EPHB3: variants seen among roughly 807,000 people sequenced by gnomAD.
EPHB3 encodes the protein EPH receptor B3.
In EPHB3, 33 loss-of-function variants were observed where a neutral mutation model predicts 100.2. The ratio of observed to expected loss-of-function variants is 0.33; its 90% CI spans 0.25 to 0.44. The LOEUF (loss-of-function observed/expected upper bound fraction) is 0.44. Among genes scored for constraint, EPHB3 ranks in the 20% least tolerant of loss-of-function variants. The pLI, the probability that EPHB3 is intolerant of heterozygous loss-of-function variation, is 1.00. For synonymous variants in EPHB3, 526 were observed against 554.7 expected, an observed-to-expected ratio of 0.95 and a Z score of 0.73; for missense variants, 1,045 against 1,378.3, an observed-to-expected ratio of 0.76 and a Z score of 3.83.
At chr3:184,570,664 A>G (rs928301660) in intron 1 of EPHB3, among the ~76,000 whole-genome samples, 2 of 152,244 alleles carry the variant, frequency 1.3e-5, no homozygotes, top group Non-Finnish European at 2.9e-5. Flanking sequence ...GGCCAGGGCC[A>G]GGGTCTGGAG....
Position 184,572,911 on chromosome 3 carries a change from C to A in EPHB3, c.591C>A (p.Gly197=). The A allele has an allele frequency of 1.3e-6, 2 of 1,564,270 alleles. No individual in the cohort carries two copies. The highest frequency in any genetic ancestry group is 4.5e-5 in the East Asian group (2 of 44,406). ...TCTACCTGGCCTTCCAGGACCAGGGCGCCTGCATGTCGCTCATCTCCGTGC... is the reference window on the plus strand; with the variant it reads ...TCTACCTGGCCTTCCAGGACCAGGGAGCCTGCATGTCGCTCATCTCCGTGC... ...AGFYLAFQDQ[G]ACMSLISVRA... is the part of the protein sequence containing the mutation. Residue 197 remains glycine, a synonymous_variant, in exon 3 of 16, where the codon GGC becomes GGA. Coordinates refer to ENST00000330394, the MANE Select transcript of EPHB3 (RefSeq NM_004443.4). The surrounding 1 kb of genome is among the most constrained non-coding windows in gnomAD (Gnocchi z 6.6).
Position 184,565,522 on chromosome 3 carries a change from T to TC in EPHB3, c.118+3174dup, listed in dbSNP as rs1228996061. On this transcript the variant is annotated intron_variant, in intron 1 of 15. Transcript: ENST00000330394. This position sits in a 1 kb window ranked among gnomAD's most constrained non-coding sequence, Gnocchi z 4.8. ...GATCGCAGGAGGTGGGGCCAGCACGTCCCCCTCCAGCCAAGCCTTGGTAGC... is the reference window on the plus strand; with the variant it reads ...GATCGCAGGAGGTGGGGCCAGCACGTCCCCCCTCCAGCCAAGCCTTGGTAGC... 3.3e-5 allele frequency among the ~76,000 whole-genome samples: 5 copies of TC among 152,010 alleles called. No individual in the cohort carries two copies. In the East Asian group the frequency reaches 7.8e-4, roughly 24 times the overall value.
At chr3:184,580,083 A>G (rs1560064287) in intron 11 of EPHB3, 149 bp downstream of exon 11, 12 of 1,271,362 alleles carry the variant, frequency 9.4e-6, no homozygotes, top group South Asian at 1.5e-5. Flanking sequence ...CTTCATAGCC[A>G]TAAGTATGGG....
At chr3:184,575,576 T>C (rs1714654187) in intron 3 of EPHB3, among the ~76,000 whole-genome samples, 1 of 149,002 alleles carries the variant, frequency 6.7e-6, no homozygotes, top group African/African-American at 2.5e-5. Context: ...GCTGACGTCT[T>C]CGTCCATGAG....
Position 184,580,541 on chromosome 3 carries a change from T to C in EPHB3, c.2312T>C (p.Val771Ala), listed in dbSNP as rs780819080. 1 of 1,614,182 alleles carries C rather than the reference T, an allele frequency of 6.2e-7. No homozygotes were observed. The highest frequency in any genetic ancestry group is 1.1e-5 in the South Asian group (1 of 91,084). Residue 771 changes from valine (V) to alanine (A), a missense_variant, in exon 12 of 16, where the codon GTC becomes GCC. Val to Ala is a moderately conservative substitution (Grantham distance 64, BLOSUM62 0). Around this residue, in one of 2 missense-constraint regions of EPHB3, gnomAD observed 985 missense variants for 1,331.1 expected, o/e 0.74. Transcript: ENST00000330394. ...ARNILVNSNLVCKVSDFGLSR... is the reference protein window; with the variant it reads ...ARNILVNSNLACKVSDFGLSR... ...AACATCCTTGTCAACAGCAACCTGGTCTGCAAAGTCTCAGACTTTGGCCTC... is the reference window on the plus strand; with the variant it reads ...AACATCCTTGTCAACAGCAACCTGGCCTGCAAAGTCTCAGACTTTGGCCTC...
chr3:184,579,432 G>A lies in EPHB3; in HGVS notation c.1802-45G>A, dbSNP rs1714763460. ...GGAGCTGTGCCCATCGCAGGGAGAGGCTGGCTTGACGTTACCCTCTCACGC... is the reference window on the plus strand; with the variant it reads ...GGAGCTGTGCCCATCGCAGGGAGAGACTGGCTTGACGTTACCCTCTCACGC... On this transcript the variant is annotated intron_variant, in intron 9 of 15. Transcript: ENST00000330394. This position sits in a 1 kb window ranked among gnomAD's most constrained non-coding sequence, Gnocchi z 5.2. 1 of 1,599,208 alleles carries A rather than the reference G, an allele frequency of 6.3e-7. No individual in the cohort carries two copies. Among genetic ancestry groups the A allele is most frequent in the African/African-American group, 1.3e-5 (1 of 74,658 alleles).
chr3:184,564,676 G>A (rs941048003), intron 1 of EPHB3, among the ~76,000 whole-genome samples: 3 of 152,188 alleles, frequency 2.0e-5, no homozygotes, highest in African/African-American at 7.2e-5. Flanking sequence ...CAGGGGGCTG[G>A]GGGTGGGGCT....
rs1183089080 is a variant in EPHB3, at chr3:184,581,435, C to A, written c.2888+27C>A. On this transcript the variant is annotated intron_variant, in intron 15 of 15. Transcript: ENST00000330394. ...TAAGTGTGCCTCAGATTTGGAGGAGCAGGGCAGGGGGCCCTAGGCTGGGCC... is the reference window on the plus strand; with the variant it reads ...TAAGTGTGCCTCAGATTTGGAGGAGAAGGGCAGGGGGCCCTAGGCTGGGCC... 1.9e-6 allele frequency: 3 copies of A among 1,583,702 alleles called. No individual in the cohort carries two copies. In the East Asian group the frequency reaches 6.7e-5, roughly 35 times the overall value.
At position 184,579,876 on chromosome 3, in the gene EPHB3, G is replaced by A. The variant is rs1224865732; in HGVS notation, c.2114G>A (p.Arg705Gln). 4 of 1,613,654 alleles carry A rather than the reference G, an allele frequency of 2.5e-6. No homozygotes were observed. Among genetic ancestry groups the A allele is most frequent in the Admixed American group, 1.7e-5 (1 of 59,956 alleles). The change falls in exon 11 of 16, where the codon CGG (arginine) becomes CAG (glutamine). Residue 705 changes from arginine (R) to glutamine (Q), a missense_variant. Coordinates refer to ENST00000330394, the MANE Select transcript of EPHB3 (RefSeq NM_004443.4). The surrounding 1 kb of genome is among the most constrained non-coding windows in gnomAD (Gnocchi z 5.2). ...IRLEGVVTKSRPVMILTEFME... is the reference protein window; with the variant it reads ...IRLEGVVTKSQPVMILTEFME... ...CTCGAGGGCGTGGTCACCAAAAGTC[G>A]GCCAGTTATGATCCTCACTGAGTTC...
At position 184,573,418 on chromosome 3, in the gene EPHB3, G is replaced by A. The variant is rs1023551808; in HGVS notation, c.856+242G>A. 2.6e-5 allele frequency among the ~76,000 whole-genome samples: 4 copies of A among 152,132 alleles called. No homozygotes were observed. The highest frequency in any genetic ancestry group is 5.9e-5 in the Non-Finnish European group (4 of 68,014). On this transcript the variant is annotated intron_variant, in intron 3 of 15. Coordinates refer to ENST00000330394, the MANE Select transcript of EPHB3 (RefSeq NM_004443.4). This position sits in a 1 kb window ranked among gnomAD's most constrained non-coding sequence, Gnocchi z 4.5. ...AGAAAAAATGACATTAAAGAGAGAG[G>A]AAGAGAAGCATGCAGAATCCTTGGC...
chr3:184,578,262 C>T lies in EPHB3; in HGVS notation c.1749-152C>T, dbSNP rs1714732546. On this transcript the variant is annotated intron_variant, in intron 8 of 15. Coordinates refer to ENST00000330394, the MANE Select transcript of EPHB3 (RefSeq NM_004443.4). The surrounding 1 kb of genome is among the most constrained non-coding windows in gnomAD (Gnocchi z 4.7). ...GAGTCCACTGAACCCCTTGCTCAGA[C>T]ACCCAGAGACTGCTGTGACCACCAA... The T allele has an allele frequency of 1.4e-5, 16 of 1,161,216 alleles. No individual in the cohort carries two copies. The South Asian group carries it at 1.7e-4, about 13-fold the overall frequency. 71.9% of individuals were successfully genotyped at this position (1,161,216 alleles called of 1,614,324 possible). A position where few individuals can be genotyped will look rare whatever the true frequency, so the allele number is the denominator to read the frequency against.
At chr3:184,576,073 C>T in intron 4 of EPHB3, 88 bp downstream of exon 4, 2 of 1,457,132 alleles carry the variant, frequency 1.4e-6, no homozygotes, top group South Asian at 1.4e-5. Flanking sequence ...CTATGAATAG[C>T]CCCATTTTCC....
chr3:184,571,891 C>T lies in EPHB3; in HGVS notation c.183+509C>T, dbSNP rs1029163195. On this transcript the variant is annotated intron_variant, in intron 2 of 15. Transcript: ENST00000330394. This position sits in a 1 kb window ranked among gnomAD's most constrained non-coding sequence, Gnocchi z 5.0. ...CTCTAAGCCCTAGAACCCTGGAGTA[C>T]GATGGCACTACAGGCCCTGCAGTCA... is the stretch of plus-strand genomic sequence containing the variant. Among the ~76,000 whole-genome samples the T allele has an allele frequency of 6.6e-6, 1 of 152,174 alleles. No individual in the cohort carries two copies. Among genetic ancestry groups the T allele is most frequent in the African/African-American group, 2.4e-5 (1 of 41,440 alleles).
At position 184,579,939 on chromosome 3, in the gene EPHB3, G is replaced by C; in HGVS notation, c.2172+5G>C. 1.9e-6 allele frequency: 3 copies of C among 1,611,834 alleles called. No homozygotes were observed. The highest frequency in any genetic ancestry group is 2.5e-6 in the Non-Finnish European group (3 of 1,179,012). The stretch of plus-strand genomic sequence containing the variant: ...GCCCTGGACTCCTTCCTCCGGGTAA[G>C]AGCCAGCCCCCAGGCCCTCTCCCTC... On this transcript the variant is annotated splice_donor_5th_base_variant and intron_variant, in intron 11 of 15. Transcript: ENST00000330394. The surrounding 1 kb of genome is among the most constrained non-coding windows in gnomAD (Gnocchi z 5.2).
At chr3:184,576,369 A>G (rs35464244) in intron 4 of EPHB3, among the ~76,000 whole-genome samples, 54,959 of 152,036 alleles carry the variant, frequency 0.36, 10,796 homozygotes, top group African/African-American at 0.51. Context: ...CACTCTAACC[A>G]TGGAGGGGGC....
chr3:184,572,826 T>C lies in EPHB3; in HGVS notation c.506T>C (p.Leu169Pro), dbSNP rs768554029. Reference sequence around the variant, plus strand: ...GCACCCGATGAGAGCTTCTCGCGGCTGGATGCCGGCCGTGTCAACACCAAG... The same window carrying C: ...GCACCCGATGAGAGCTTCTCGCGGCCGGATGCCGGCCGTGTCAACACCAAG... ...TIAPDESFSR[L>P]DAGRVNTKVR... The change falls in exon 3 of 16, where the codon CTG (leucine) becomes CCG (proline). Residue 169 changes from leucine (L) to proline (P), a missense_variant. Leu to Pro is a moderately conservative substitution (Grantham distance 98). Coordinates refer to ENST00000330394, the MANE Select transcript of EPHB3 (RefSeq NM_004443.4). This position sits in a 1 kb window ranked among gnomAD's most constrained non-coding sequence, Gnocchi z 6.6. 5 of 1,571,562 alleles carry C rather than the reference T, an allele frequency of 3.2e-6. No homozygotes were observed. The South Asian group carries it at 5.9e-5, about 19-fold the overall frequency.
intron 4 of EPHB3, among the ~76,000 whole-genome samples, chr3:184,576,539 A>G (rs900408452): frequency 3.9e-5 from 6 of 152,232 alleles, no homozygotes; most frequent in Non-Finnish European, 8.8e-5. Flanking sequence ...GTAAAAACAG[A>G]TAATGACCGT....
At chr3:184,570,209 T>C (rs1714505192) in intron 1 of EPHB3, among the ~76,000 whole-genome samples, 1 of 152,198 alleles carries the variant, frequency 6.6e-6, no homozygotes, top group Admixed American at 6.5e-5. Context: ...GAAGGCTTCC[T>C]GGAGGAGGCA....
At position 184,577,907 on chromosome 3, in the gene EPHB3, C is replaced by T; in HGVS notation, c.1649C>T (p.Ala550Val). The T allele has an allele frequency of 6.2e-7, 1 of 1,613,676 alleles. No individual in the cohort carries two copies. Among genetic ancestry groups the T allele is most frequent in the East Asian group, 2.2e-5 (1 of 44,866 alleles). ...FETTSERGSG[A>V]QQLQEQLPLI... ...CCTTCTCTATCTCCAGGCTCTGGGG[C>T]CCAGCAGCTCCAGGAGCAGCTTCCC... Residue 550 changes from alanine (A) to valine (V), a missense_variant, in exon 8 of 16, where the codon GCC becomes GTC. Physicochemically the swap from Ala to Val is moderately conservative, Grantham distance 64 (BLOSUM62 0). Coordinates refer to ENST00000330394, the MANE Select transcript of EPHB3 (RefSeq NM_004443.4). The surrounding 1 kb of genome is among the most constrained non-coding windows in gnomAD (Gnocchi z 4.9).
Sources: gnomAD v4.1 joint callset for allele counts (sites outside exome capture counted in the v4.1 genomes callset) on GRCh38, gnomAD v4.1.1 for gene constraint, gnomAD v4.1.1 regional missense constraint, Gnocchi (gnomAD v3.1) non-coding constraint, MANE v1.5 for transcripts, NCBI Gene and HGNC (gene_info 2026-07-23, HGNC 2026-07-21) for gene names.